CTIF: variants seen among roughly 807,000 people sequenced by gnomAD.
CTIF encodes the protein cap binding complex dependent translation initiation factor.
In CTIF, 21 loss-of-function variants were observed where a neutral mutation model predicts 66.0. That is an observed-to-expected ratio of 0.32 (90% CI 0.23 to 0.46). The LOEUF (loss-of-function observed/expected upper bound fraction) is 0.46, where lower values mean the gene tolerates loss of function less well. CTIF is among the 20% of genes least tolerant of loss of function. CTIF has a pLI of 1.00. For missense variants in CTIF, 739 were observed against 812.7 expected, an observed-to-expected ratio of 0.91 and a Z score of 1.10; for synonymous variants, 345 against 326.4, an observed-to-expected ratio of 1.06 and a Z score of -0.62.
intron 5 of CTIF, among the ~76,000 whole-genome samples, chr18:48,665,391 C>T (rs1399678086): frequency 6.6e-6 from 1 of 152,172 alleles, no homozygotes; most frequent in Admixed American, 6.5e-5. Flanking sequence ...GGGCAGACCT[C>T]AGGACGGGAA....
intron 3 of CTIF, among the ~76,000 whole-genome samples, chr18:48,660,075 C>T (rs1222380911): frequency 2.0e-5 from 3 of 149,552 alleles, no homozygotes; most frequent in Non-Finnish European, 4.4e-5. Context: ...ACCACCTGCT[C>T]CCCAGCTGGG....
chr18:48,626,148 C>T (rs924703302), intron 2 of CTIF, among the ~76,000 whole-genome samples: 5 of 151,574 alleles, frequency 3.3e-5, no homozygotes, highest in African/African-American at 1.2e-4. Flanking sequence ...ACTACAGGCA[C>T]ATGTCACCAC....
At chr18:48,660,220 T>C (rs991530620) in intron 3 of CTIF, among the ~76,000 whole-genome samples, 1 of 150,946 alleles carries the variant, frequency 6.6e-6, no homozygotes, top group South Asian at 2.1e-4. Flanking sequence ...GCTGTGGGGA[T>C]TCAATGAGGA....
At chr18:48,622,389 G>A (rs1356425152) in intron 2 of CTIF, among the ~76,000 whole-genome samples, 1 of 152,018 alleles carries the variant, frequency 6.6e-6, no homozygotes. Flanking sequence ...GTGGGGGAGA[G>A]GGAGAGGCCA....
intron 1 of CTIF, among the ~76,000 whole-genome samples, chr18:48,609,795 C>G (rs149134557): frequency 1.4e-4 from 21 of 152,218 alleles, no homozygotes; most frequent in Admixed American, 1.4e-3. Flanking sequence ...GTGTATACAG[C>G]AGATGCTCAG....
chr18:48,586,252 T>G (rs2089764971), intron 1 of CTIF, among the ~76,000 whole-genome samples: 1 of 151,814 alleles, frequency 6.6e-6, no homozygotes, highest in Non-Finnish European at 1.5e-5. Context: ...ACAATGGCGA[T>G]CAGCATTCCT....
chr18:48,686,799 T>G (rs1050972100), intron 6 of CTIF, among the ~76,000 whole-genome samples: 3 of 152,182 alleles, frequency 2.0e-5, no homozygotes, highest in African/African-American at 7.2e-5. Context: ...CCTCGGAGAT[T>G]TGCAGCCTCC....
intron 9 of CTIF, among the ~76,000 whole-genome samples, chr18:48,780,435 C>A (rs1328496620): frequency 1.3e-5 from 2 of 152,188 alleles, no homozygotes; most frequent in African/African-American, 2.4e-5. Flanking sequence ...TTTATCATGA[C>A]CCCGTCATCT....
chr18:48,782,197 TG>T (rs1219567729), intron 9 of CTIF, among the ~76,000 whole-genome samples: 1 of 151,062 alleles, frequency 6.6e-6, no homozygotes, highest in Admixed American at 6.6e-5. Context: ...GCTCTCTGGG[TG>T]GGGGTGTTTG....
chr18:48,633,175 T>C (rs2090753156), intron 2 of CTIF, among the ~76,000 whole-genome samples: 1 of 152,116 alleles, frequency 6.6e-6, no homozygotes, highest in Non-Finnish European at 1.5e-5. Context: ...GAGAAGCCTT[T>C]TTCTGAGAGG....
intron 10 of CTIF, among the ~76,000 whole-genome samples, chr18:48,836,305 C>A (rs922087371): frequency 6.6e-6 from 1 of 152,112 alleles, no homozygotes; most frequent in Non-Finnish European, 1.5e-5. Context: ...CCAGAGAGGC[C>A]CTGGGCTGCC....
At chr18:48,547,051 T>A (rs1057463454) in intron 1 of CTIF, among the ~76,000 whole-genome samples, 1 of 152,120 alleles carries the variant, frequency 6.6e-6, no homozygotes, top group African/African-American at 2.4e-5. Flanking sequence ...TTTGCTGACT[T>A]AAATCTCCAC....
intron 7 of CTIF, among the ~76,000 whole-genome samples, chr18:48,729,885 G>A (rs970173736): frequency 2.0e-5 from 3 of 152,326 alleles, no homozygotes; most frequent in East Asian, 1.9e-4. Context: ...GGACAGTGGC[G>A]ATGGACAGAA....
intron 7 of CTIF, 34 bp from the exon 8 acceptor site, chr18:48,757,885 A>G: frequency 6.3e-7 from 1 of 1,587,524 alleles, no homozygotes; most frequent in Non-Finnish European, 8.6e-7. Flanking sequence ...CCGCCCAGTG[A>G]TCGCCTTCTC....
intron 10 of CTIF, among the ~76,000 whole-genome samples, chr18:48,848,930 C>T (rs183256758): frequency 1.3e-5 from 2 of 152,356 alleles, no homozygotes; most frequent in African/African-American, 2.4e-5. Context: ...TGTGTGGGCT[C>T]GCACAATTGC....
chr18:48,861,787 C>T lies in CTIF; in HGVS notation c.*2228C>T, dbSNP rs1008901089. On this transcript the variant is annotated 3_prime_UTR_variant, in exon 12 of 12. Transcript: ENST00000256413. Reference sequence around the variant, plus strand: ...TGATTCTCCTTCCTCCGAACGGGCTCCTTGATGGCCTGGCCACAGGGGCAG... The same window carrying T: ...TGATTCTCCTTCCTCCGAACGGGCTTCTTGATGGCCTGGCCACAGGGGCAG... The T allele has an allele frequency of 2.0e-5, 3 of 152,328 alleles. No individual in the cohort carries two copies. Among genetic ancestry groups the T allele is most frequent in the Non-Finnish European group, 2.9e-5 (2 of 68,136 alleles). The allele number at this position is 152,328 out of a possible 1,614,324, so 9.4% of individuals were successfully genotyped here.
intron 6 of CTIF, among the ~76,000 whole-genome samples, chr18:48,674,413 C>T (rs1285865591): frequency 6.6e-6 from 1 of 152,202 alleles, no homozygotes. Context: ...GCCATGGGCC[C>T]CCACACTGAA....
At chr18:48,653,956 A>C (rs1216185154) in intron 3 of CTIF, among the ~76,000 whole-genome samples, 2 of 152,154 alleles carry the variant, frequency 1.3e-5, no homozygotes, top group Non-Finnish European at 1.5e-5. Context: ...CCTTCCTTAC[A>C]CCTTATACAA....
intron 1 of CTIF, among the ~76,000 whole-genome samples, chr18:48,600,720 GCTGGGGTTTTTC>G (rs2090074872): frequency 6.6e-6 from 1 of 152,160 alleles, no homozygotes; most frequent in African/African-American, 2.4e-5. Flanking sequence ...AGACTGGAAT[GCTGGGGTTTTTC>G]CTGGCAGTCT....
Sources: gnomAD v4.1 joint callset for allele counts (sites outside exome capture counted in the v4.1 genomes callset) on GRCh38, gnomAD v4.1.1 for gene constraint, MANE v1.5 for transcripts, NCBI Gene and HGNC (gene_info 2026-07-23, HGNC 2026-07-21) for gene names.